The following CACNA2D1 variants were observed in gnomAD, a reference collection of about 807,000 sequenced individuals.
CACNA2D1 encodes calcium voltage-gated channel auxiliary subunit alpha2delta 1.
Under a neutral mutation model 171.5 loss-of-function variants are expected in CACNA2D1, and 53 were observed. That is an observed-to-expected ratio of 0.31 (90% confidence interval 0.25 to 0.39). The LOEUF (loss-of-function observed/expected upper bound fraction) is 0.39. CACNA2D1 is among the 10% of genes least tolerant of loss of function. The pLI is 1.00. For synonymous variants in CACNA2D1, 442 were observed against 443.1 expected, an observed-to-expected ratio of 1.00 and a Z score of 0.03; for missense variants, 903 against 1,299.8, an observed-to-expected ratio of 0.69 and a Z score of 4.69.
chr7:82,430,806 A>G (rs1470024883), intron 1 of CACNA2D1, among the ~76,000 whole-genome samples: 2 of 152,188 alleles, frequency 1.3e-5, no homozygotes, highest in African/African-American at 2.4e-5. Context: ...CACTTGCTCA[A>G]TTTGTAGGGT....
intron 6 of CACNA2D1, among the ~76,000 whole-genome samples, chr7:82,093,447 A>C (rs2129022254): frequency 6.6e-6 from 1 of 152,170 alleles, no homozygotes; most frequent in Non-Finnish European, 1.5e-5. Context: ...AGTGACTAAA[A>C]CCTAGTATTT....
At position 81,959,288 on chromosome 7, in the gene CACNA2D1, T is replaced by C. The variant is rs1793812675; in HGVS notation, c.3146A>G (p.Asp1049Gly). 1 of 1,605,170 alleles carries C rather than the reference T, an allele frequency of 6.2e-7. No individual in the cohort carries two copies. Among genetic ancestry groups the C allele is most frequent in the Non-Finnish European group, 8.5e-7 (1 of 1,171,984 alleles). Residue 1049 changes from aspartate (D) to glycine (G), a missense_variant, in exon 38 of 39, where the codon GAT becomes GGT. By Grantham distance (94) the Asp-to-Gly change is moderately conservative. This residue lies in a region of CACNA2D1 where 623 missense variants were observed against 925.5 expected (regional missense o/e 0.67). Coordinates refer to ENST00000356860, the MANE Select transcript of CACNA2D1 (RefSeq NM_000722.4). ...GTGTGATCTTACCAAGACATTGTTA[T>C]CAAAGCAGACATCAGGCCCTTTTCG... ...RYRKGPDVCF[D>G]NNVLEDYTDC...
chr7:82,410,458 A>C, intron 1 of CACNA2D1: 1 of 962,682 alleles, frequency 1.0e-6, no homozygotes. Flanking sequence ...GCTTAGCCTT[A>C]AGAAAAAACT....
chr7:82,360,635 T>C (rs142697674), intron 1 of CACNA2D1, among the ~76,000 whole-genome samples: 1 of 152,206 alleles, frequency 6.6e-6, no homozygotes, highest in African/African-American at 2.4e-5. Context: ...CTGATATGTT[T>C]ATGAACATAA....
intron 1 of CACNA2D1, among the ~76,000 whole-genome samples, chr7:82,434,550 G>A (rs923234379): frequency 1.3e-5 from 2 of 152,112 alleles, no homozygotes; most frequent in Non-Finnish European, 2.9e-5. Context: ...AAAGGTCCCA[G>A]TGTGTGTTGA....
At chr7:82,054,648 G>A (rs1382078330) in intron 10 of CACNA2D1, among the ~76,000 whole-genome samples, 4 of 152,230 alleles carry the variant, frequency 2.6e-5, no homozygotes, top group Admixed American at 6.5e-5. Context: ...ATCAATCTAA[G>A]CAGATACCAA....
At chr7:82,247,315 G>A (rs1327139538) in intron 3 of CACNA2D1, among the ~76,000 whole-genome samples, 2 of 151,970 alleles carry the variant, frequency 1.3e-5, no homozygotes, top group Non-Finnish European at 2.9e-5. Flanking sequence ...CTTAAAACCA[G>A]CCTGGGCAAC....
intron 1 of CACNA2D1, among the ~76,000 whole-genome samples, chr7:82,371,019 G>A (rs139999518): frequency 5.0e-4 from 76 of 152,234 alleles, no homozygotes; most frequent in Admixed American, 2.0e-3. Context: ...TGTAAGCAGT[G>A]AACACTACTG....
At chr7:82,267,022 A>C (rs745611568) in intron 3 of CACNA2D1, among the ~76,000 whole-genome samples, 54 of 152,216 alleles carry the variant, frequency 3.5e-4, no homozygotes, top group Non-Finnish European at 6.9e-4. Context: ...CTCAAAGATT[A>C]ATCTATCTTA....
In CACNA2D1 at chr7:82,097,851, C is replaced by T. The variant is rs111654187; in HGVS notation, c.527-12951G>A. Among the ~76,000 whole-genome samples, 485 of 152,178 alleles carry T rather than the reference C, an allele frequency of 3.2e-3. 5 individuals carry two copies. Among genetic ancestry groups the T allele is most frequent in the South Asian group, 0.024 (115 of 4,816 alleles). On this transcript the variant is annotated intron_variant, in intron 6 of 38. Transcript: ENST00000356860. Reference sequence around the variant, plus strand: ...AAGCAAGGACAGGTCCAGTAGCTCACGCCTGTAATCCCAACACTTTGGGAG... The same window carrying T: ...AAGCAAGGACAGGTCCAGTAGCTCATGCCTGTAATCCCAACACTTTGGGAG...
At chr7:82,328,720 A>C (rs1048388159) in intron 3 of CACNA2D1, among the ~76,000 whole-genome samples, 16 of 152,280 alleles carry the variant, frequency 1.1e-4, no homozygotes, top group African/African-American at 3.9e-4. Flanking sequence ...ACAAGAAAGA[A>C]ATACATTCTT....
rs35419275 is a variant in CACNA2D1 at position 82,363,254 on chromosome 7, C to CTTTTTTTTTT, written c.96-13615_96-13606dup. Among the ~76,000 whole-genome samples, 287 of 63,432 alleles carry CTTTTTTTTTT rather than the reference C, an allele frequency of 4.5e-3. 66 individuals are homozygous for CTTTTTTTTTT. Among genetic ancestry groups the CTTTTTTTTTT allele is most frequent in the African/African-American group, 0.023 (277 of 11,946 alleles). 41.6% of individuals were successfully genotyped at this position (63,432 alleles called of 152,430 possible). On this transcript the variant is annotated intron_variant, in intron 1 of 38. Transcript: ENST00000356860. ...CTACCATAGTTTTATTTATTTGTCT[C>CTTTTTTTTTT]TTTTTTTTTTTTTTTTTTTTTTTTT...
intron 8 of CACNA2D1, among the ~76,000 whole-genome samples, chr7:82,065,358 C>T (rs1379878804): frequency 2.0e-5 from 3 of 152,096 alleles, no homozygotes; most frequent in Non-Finnish European, 2.9e-5. Context: ...CCAGGTATGC[C>T]ACTCAGTGGG....
At chr7:82,377,309 G>T (rs1290805576) in intron 1 of CACNA2D1, among the ~76,000 whole-genome samples, 1 of 152,144 alleles carries the variant, frequency 6.6e-6, no homozygotes, top group African/African-American at 2.4e-5. Context: ...ATTTAGATCA[G>T]AATTGTTATA....
intron 1 of CACNA2D1, among the ~76,000 whole-genome samples, chr7:82,377,092 A>G (rs1430317079): frequency 1.3e-5 from 2 of 152,190 alleles, no homozygotes; most frequent in Non-Finnish European, 2.9e-5. Context: ...ACTAGAGCTA[A>G]TCCATTATTC....
chr7:82,155,536 A>G (rs1295340730), intron 4 of CACNA2D1, among the ~76,000 whole-genome samples: 1 of 152,184 alleles, frequency 6.6e-6, no homozygotes, highest in Non-Finnish European at 1.5e-5. Context: ...TTTATAAACA[A>G]GCATATCTAA....
intron 6 of CACNA2D1, among the ~76,000 whole-genome samples, chr7:82,091,923 C>G (rs566098924): frequency 1.6e-4 from 25 of 152,298 alleles, no homozygotes; most frequent in Admixed American, 6.5e-4. Context: ...GGATCCTAGA[C>G]AGCCTATAGG....
intron 3 of CACNA2D1, among the ~76,000 whole-genome samples, chr7:82,200,163 T>G (rs1277864898): frequency 6.6e-6 from 1 of 152,078 alleles, no homozygotes; most frequent in Admixed American, 6.6e-5. Context: ...TGCAGCAAAA[T>G]ATGGTATAGA....
At chr7:82,042,474 GTGT>G (rs1804083859) in intron 10 of CACNA2D1, among the ~76,000 whole-genome samples, 4 of 152,132 alleles carry the variant, frequency 2.6e-5, no homozygotes, top group Non-Finnish European at 5.9e-5. Context: ...TCTTGTAAAA[GTGT>G]GTATTTAACA....
Sources: gnomAD v4.1 joint callset for allele counts (sites outside exome capture counted in the v4.1 genomes callset) on GRCh38, gnomAD v4.1.1 for gene constraint, gnomAD v4.1.1 regional missense constraint, MANE v1.5 for transcripts, NCBI Gene and HGNC (gene_info 2026-07-23, HGNC 2026-07-21) for gene names.